The following ATP2B1 variants were observed in gnomAD, a reference collection of about 807,000 sequenced individuals.
The protein encoded by ATP2B1 is ATPase plasma membrane Ca2+ transporting 1.
Under a neutral mutation model 124.2 loss-of-function variants are expected in ATP2B1, and 14 were observed. That is an observed-to-expected ratio of 0.11 (90% CI 0.07 to 0.18). ATP2B1 has a LOEUF of 0.18. Ranked by LOEUF, ATP2B1 falls within the 10% of genes least tolerant of loss-of-function variation. ATP2B1 has a pLI of 1.00. For missense variants in ATP2B1, 763 were observed against 1,466.1 expected, an observed-to-expected ratio of 0.52 and a Z score of 7.83; for synonymous variants, 449 against 492.4, an observed-to-expected ratio of 0.91 and a Z score of 1.17.
chr12:89,611,177 A>C lies in ATP2B1; in HGVS notation c.2247+16T>G. The C allele has an allele frequency of 6.4e-7, 1 of 1,566,396 alleles. No individual in the cohort carries two copies. Among genetic ancestry groups the C allele is most frequent in the Non-Finnish European group, 8.6e-7 (1 of 1,163,164 alleles). ...AACATCTGTCAACCAAAAACAAAAT[A>C]ATAATAAATCTTTACCTCTCCTTTT... On this transcript the variant is annotated intron_variant, in intron 13 of 20. Transcript: ENST00000428670.
At chr12:89,653,315 A>T in intron 2 of ATP2B1, among the ~76,000 whole-genome samples, 1 of 113,030 alleles carries the variant, frequency 8.8e-6, no homozygotes, top group South Asian at 2.7e-4. Context: ...TTTGAGACGG[A>T]GTCTCGCTCT....
chr12:89,639,007 G>A (rs775622595), intron 3 of ATP2B1, among the ~76,000 whole-genome samples: 2 of 152,114 alleles, frequency 1.3e-5, no homozygotes, highest in Non-Finnish European at 2.9e-5. Context: ...CCTGTTAAGT[G>A]CAGATACCAG....
In ATP2B1 at chr12:89,630,497, A is replaced by G; in HGVS notation, c.928+8T>C. On this transcript the variant is annotated splice_region_variant and intron_variant, in intron 6 of 20. Coordinates refer to ENST00000428670, the MANE Select transcript of ATP2B1 (RefSeq NM_001366521.1). ...CAAATACCAATTATAGAAAATTGTT[A>G]TTCTTACTTTTCTTTTCCTTTTTCT... The G allele has an allele frequency of 6.4e-7, 1 of 1,553,444 alleles. No individual in the cohort carries two copies. Among genetic ancestry groups the G allele is most frequent in the Non-Finnish European group, 8.7e-7 (1 of 1,148,388 alleles).
intron 2 of ATP2B1, among the ~76,000 whole-genome samples, chr12:89,653,727 A>C (rs577940789): frequency 1.3e-5 from 2 of 152,346 alleles, no homozygotes; most frequent in South Asian, 4.1e-4. Context: ...TAAAATTTTC[A>C]GTTAACTTAA....
chr12:89,642,440 T>A, intron 2 of ATP2B1, 85 bp from the exon 3 acceptor site: 1 of 1,282,406 alleles, frequency 7.8e-7, no homozygotes, highest in Non-Finnish European at 1.1e-6. Flanking sequence ...CCTCAACTCA[T>A]CACTCTAGAC....
chr12:89,682,910 G>A lies in ATP2B1; in HGVS notation c.-222+25686C>T, dbSNP rs539667419. On this transcript the variant is annotated intron_variant, in intron 1 of 20. Coordinates refer to ENST00000428670, the MANE Select transcript of ATP2B1 (RefSeq NM_001366521.1). ...AGATGAGACAGAAGTAACAAATTTG[G>A]AGAAAATATTACCAATATCACAGAA... 3.3e-5 allele frequency among the ~76,000 whole-genome samples: 5 copies of A among 152,130 alleles called. No individual in the cohort carries two copies. In the South Asian group the frequency reaches 1.0e-3, roughly 32 times the overall value.
intron 1 of ATP2B1, among the ~76,000 whole-genome samples, chr12:89,675,273 T>C (rs1170096571): frequency 1.3e-5 from 2 of 152,198 alleles, no homozygotes; most frequent in Non-Finnish European, 2.9e-5. Flanking sequence ...AAAACCTCCA[T>C]TTGTTCTAGC....
At chr12:89,672,506 G>A (rs1378355682) in intron 1 of ATP2B1, among the ~76,000 whole-genome samples, 2 of 152,156 alleles carry the variant, frequency 1.3e-5, no homozygotes, top group Non-Finnish European at 2.9e-5. Context: ...GCCCTCTGAT[G>A]TATGTATATT....
At chr12:89,592,518 T>C (rs545001558) in intron 20 of ATP2B1, among the ~76,000 whole-genome samples, 8 of 152,158 alleles carry the variant, frequency 5.3e-5, no homozygotes, top group African/African-American at 1.7e-4. Flanking sequence ...TCAAGTTGTC[T>C]TTCCTTATTT....
At chr12:89,600,609 C>T (rs1339270226) in intron 19 of ATP2B1, among the ~76,000 whole-genome samples, 1 of 151,500 alleles carries the variant, frequency 6.6e-6, no homozygotes, top group Non-Finnish European at 1.5e-5. Flanking sequence ...TTTTCCTATG[C>T]TGCATATTGG....
intron 20 of ATP2B1, among the ~76,000 whole-genome samples, chr12:89,593,070 A>C (rs896037654): frequency 6.6e-6 from 1 of 151,964 alleles, no homozygotes; most frequent in Non-Finnish European, 1.5e-5. Flanking sequence ...ATATTTTTCA[A>C]CTTCTTTTAT....
chr12:89,628,143 CTGTAA>C (rs927148111), intron 6 of ATP2B1, among the ~76,000 whole-genome samples: 1 of 152,030 alleles, frequency 6.6e-6, no homozygotes, highest in Admixed American at 6.6e-5. Flanking sequence ...TGGCTCATGC[CTGTAA>C]TCCCAGCATT....
chr12:89,626,937 C>T (rs527543735), intron 7 of ATP2B1, among the ~76,000 whole-genome samples: 1 of 152,112 alleles, frequency 6.6e-6, no homozygotes, highest in East Asian at 1.9e-4. Context: ...TAATCCCTCC[C>T]CTATAATTTA....
At chr12:89,670,201 G>A (rs1887771060) in intron 1 of ATP2B1, among the ~76,000 whole-genome samples, 1 of 152,130 alleles carries the variant, frequency 6.6e-6, no homozygotes, top group African/African-American at 2.4e-5. Context: ...ACTGTAAATG[G>A]ACAAGAACCA....
chr12:89,630,231 T>G (rs1416141222), intron 6 of ATP2B1, among the ~76,000 whole-genome samples: 1 of 152,152 alleles, frequency 6.6e-6, no homozygotes. Flanking sequence ...AGAGTTCAAT[T>G]CATTTTGCTG....
chr12:89,652,215 C>T (rs1885348344), intron 2 of ATP2B1, among the ~76,000 whole-genome samples: 1 of 152,194 alleles, frequency 6.6e-6, no homozygotes, highest in African/African-American at 2.4e-5. Flanking sequence ...TACTGCGTGG[C>T]AGATACTAAT....
Position 89,680,424 on chromosome 12 carries a change from T to C in ATP2B1, c.-221-24317A>G, listed in dbSNP as rs150682846. On this transcript the variant is annotated intron_variant, in intron 1 of 20. Coordinates refer to ENST00000428670, the MANE Select transcript of ATP2B1 (RefSeq NM_001366521.1). ...CACCTGATCATTCTCAGGGAGGAAA[T>C]TGAAAGAAAAAAGACAAAATTATTT... Among the ~76,000 whole-genome samples, 60 of 151,652 alleles carry C rather than the reference T, an allele frequency of 4.0e-4. No individual in the cohort carries two copies. In the East Asian group the frequency reaches 9.3e-3, roughly 24 times the overall value.
chr12:89,700,860 T>C (rs1187595070), intron 1 of ATP2B1, among the ~76,000 whole-genome samples: 1 of 152,232 alleles, frequency 6.6e-6, no homozygotes, highest in Non-Finnish European at 1.5e-5. Flanking sequence ...TCAATAGCAG[T>C]GCACCTGTAA....
intron 1 of ATP2B1, among the ~76,000 whole-genome samples, chr12:89,658,606 AGAGAG>A (rs1886268456): frequency 1.5e-5 from 2 of 136,414 alleles, no homozygotes; most frequent in Non-Finnish European, 3.2e-5. Flanking sequence ...CAGGAGAGAG[AGAGAG>A]AGAGAGAGAG....
Sources: gnomAD v4.1 joint callset for allele counts (sites outside exome capture counted in the v4.1 genomes callset) on GRCh38, gnomAD v4.1.1 for gene constraint, MANE v1.5 for transcripts, NCBI Gene and HGNC (gene_info 2026-07-23, HGNC 2026-07-21) for gene names.